The following HOOK3 variants were observed in gnomAD, a reference collection of about 807,000 sequenced individuals.
HOOK3 encodes hook microtubule tethering protein 3, also known as protein Hook homolog 3.
A neutral mutation model predicts 116.3 loss-of-function variants in HOOK3; 24 were observed. The ratio of observed to expected loss-of-function variants is 0.21; its 90% CI spans 0.15 to 0.29. The LOEUF (loss-of-function observed/expected upper bound fraction) is 0.29, where lower values mean the gene tolerates loss of function less well. Ranked by LOEUF, HOOK3 falls within the 10% of genes least tolerant of loss-of-function variation. The pLI is 1.00. For synonymous variants in HOOK3, 275 were observed against 283.0 expected, an observed-to-expected ratio of 0.97 and a Z score of 0.28; for missense variants, 632 against 830.2, an observed-to-expected ratio of 0.76 and a Z score of 2.93.
rs761597334 is a variant in HOOK3 at position 42,959,273 on chromosome 8, A to C, written c.574A>C (p.Lys192Gln). 4 of 1,613,872 alleles carry C rather than the reference A, an allele frequency of 2.5e-6. No homozygotes were observed. In the Admixed American group the frequency reaches 6.7e-5, roughly 27 times the overall value. The change falls in exon 8 of 22, where the codon AAG becomes CAG. Residue 192 changes from lysine (K) to glutamine (Q), a missense_variant. Lys to Gln is a moderately conservative substitution (Grantham distance 53). Coordinates refer to ENST00000307602, the MANE Select transcript of HOOK3 (RefSeq NM_032410.4). ...TEELNEALSA[K>Q]EEIAQRCHEL... ...GGAACTAAATGAAGCTTTGTCAGCA[A>C]AGGAAGAAATTGCTCAAAGATGCCA...
At chr8:42,974,652 G>C (rs539465302) in intron 13 of HOOK3, among the ~76,000 whole-genome samples, 11 of 152,174 alleles carry the variant, frequency 7.2e-5, no homozygotes, top group Non-Finnish European at 1.0e-4. Flanking sequence ...CGCAAAGCCC[G>C]GGCTCCAGCG....
chr8:42,967,608 A>G (rs1808655355), intron 10 of HOOK3, among the ~76,000 whole-genome samples: 4 of 152,034 alleles, frequency 2.6e-5, no homozygotes, highest in Admixed American at 2.6e-4. Flanking sequence ...AGAGGGAGTT[A>G]TTACTCTCTC....
At chr8:42,938,781 T>C (rs1808029284) in intron 4 of HOOK3, among the ~76,000 whole-genome samples, 1 of 152,064 alleles carries the variant, frequency 6.6e-6, no homozygotes, top group Non-Finnish European at 1.5e-5. Flanking sequence ...TTTGGCAGGG[T>C]CACAGGACAA....
intron 18 of HOOK3, 142 bp from the exon 19 acceptor site, chr8:43,010,161 CCA>C (rs1563313858): frequency 4.5e-5 from 8 of 176,584 alleles, no homozygotes. Flanking sequence ...TAAAAATAGA[CCA>C]GTCTCTCAAA....
chr8:43,023,192 T>G lies in HOOK3; in HGVS notation c.*4694T>G, dbSNP rs1586639237. On this transcript the variant is annotated 3_prime_UTR_variant, in exon 22 of 22. Coordinates refer to ENST00000307602, the MANE Select transcript of HOOK3 (RefSeq NM_032410.4). ...CTGCACTCCAGCCTGGGCCACAGAGTGAGACTCCATCTCAAAAAAAAAAAA... is the reference window on the plus strand; with the variant it reads ...CTGCACTCCAGCCTGGGCCACAGAGGGAGACTCCATCTCAAAAAAAAAAAA... 1 of 121,008 alleles carries G rather than the reference T, an allele frequency of 8.3e-6. No individual in the cohort carries two copies. 7.5% of individuals were successfully genotyped at this position (121,008 alleles called of 1,614,324 possible). A position where few individuals can be genotyped will look rare whatever the true frequency, so the allele number is the denominator to read the frequency against.
intron 4 of HOOK3, among the ~76,000 whole-genome samples, chr8:42,933,097 C>T (rs1334873113): frequency 1.3e-5 from 2 of 152,184 alleles, no homozygotes; most frequent in Admixed American, 1.3e-4. Flanking sequence ...AGGCTATCCA[C>T]CTCATCATTA....
At position 42,968,382 on chromosome 8, in the gene HOOK3, T is replaced by A. The variant is rs992791603; in HGVS notation, c.1122+168T>A. Among the ~76,000 whole-genome samples, 71 of 152,222 alleles carry A rather than the reference T, an allele frequency of 4.7e-4. 1 individual carries two copies. The highest frequency in any genetic ancestry group is 1.7e-3 in the African/African-American group (69 of 41,462). On this transcript the variant is annotated intron_variant, in intron 11 of 21. Transcript: ENST00000307602. Reference sequence around the variant, plus strand: ...TCTCACTCTGTCACCCAGCCTGGAGTGCAGTGGCATGATCTCAGCTCACTG... The same window carrying A: ...TCTCACTCTGTCACCCAGCCTGGAGAGCAGTGGCATGATCTCAGCTCACTG...
At chr8:43,002,065 T>A (rs1809391592) in intron 16 of HOOK3, 42 bp from the exon 17 acceptor site, 3 of 1,278,398 alleles carry the variant, frequency 2.3e-6, no homozygotes, top group Admixed American at 3.5e-5. Flanking sequence ...CTATTTTAGT[T>A]AAAATGTGAG....
At chr8:43,007,553 G>A (rs573656787) in intron 17 of HOOK3, among the ~76,000 whole-genome samples, 1 of 152,150 alleles carries the variant, frequency 6.6e-6, no homozygotes, top group Non-Finnish European at 1.5e-5. Context: ...ACAAGATTTT[G>A]CATGGTAAAA....
chr8:42,973,277 T>C lies in HOOK3; in HGVS notation c.1123-12T>C, dbSNP rs1470646818. On this transcript the variant is annotated splice_polypyrimidine_tract_variant and intron_variant, in intron 11 of 21. Transcript: ENST00000307602. ...CAGATTATGTATAAGTAATGGTATC[T>C]TTCTGTATCAGGTAGTAGAACTACA... is the stretch of plus-strand genomic sequence containing the variant. 6.3e-7 allele frequency: 1 copy of C among 1,596,684 alleles called. No homozygotes were observed. The highest frequency in any genetic ancestry group is 8.5e-7 in the Non-Finnish European group (1 of 1,174,596).
At chr8:43,014,756 G>A (rs1238875315) in intron 21 of HOOK3, among the ~76,000 whole-genome samples, 1 of 152,124 alleles carries the variant, frequency 6.6e-6, no homozygotes, top group Non-Finnish European at 1.5e-5. Flanking sequence ...AAAGGTTAGT[G>A]TCCCTGGCCT....
In HOOK3 at chr8:42,986,696, A is replaced by C; in HGVS notation, c.1433A>C (p.Lys478Thr). Reference sequence around the variant, plus strand: ...CTTCAGCATGAGAATAAGATGTTAAAGCTTAACCAAGAAGGTTCGGACAAT... The same window carrying C: ...CTTCAGCATGAGAATAAGATGTTAACGCTTAACCAAGAAGGTTCGGACAAT... ...IRLQHENKML[K>T]LNQEGSDNEK... The change falls in exon 15 of 22, where the codon AAG becomes ACG. Residue 478 changes from lysine (K) to threonine (T), a missense_variant. Lys to Thr is a moderately conservative substitution (Grantham distance 78, BLOSUM62 -1). This residue lies in a region of HOOK3 where 483 missense variants were observed against 648.1 expected (regional missense o/e 0.75). Transcript: ENST00000307602. The C allele has an allele frequency of 6.2e-7, 1 of 1,613,816 alleles. No homozygotes were observed. The highest frequency in any genetic ancestry group is 8.5e-7 in the Non-Finnish European group (1 of 1,179,810).
At chr8:42,977,846 G>A (rs1437125861) in intron 13 of HOOK3, among the ~76,000 whole-genome samples, 1 of 152,054 alleles carries the variant, frequency 6.6e-6, no homozygotes. Flanking sequence ...CAGCCTGGGC[G>A]ACAGAGTGAG....
chr8:42,954,358 T>C (rs921614008), intron 6 of HOOK3, among the ~76,000 whole-genome samples: 8 of 152,210 alleles, frequency 5.3e-5, no homozygotes, highest in African/African-American at 1.9e-4. Context: ...TATGAACCTA[T>C]CCCAAAGAAT....
chr8:43,010,097 T>C lies in HOOK3; in HGVS notation c.1739-208T>C, dbSNP rs552339770. 8.1e-3 allele frequency among the ~76,000 whole-genome samples: 1,201 copies of C among 148,544 alleles called. 16 individuals are homozygous for C. Among genetic ancestry groups the C allele is most frequent in the African/African-American group, 0.027 (1,108 of 40,978 alleles). On this transcript the variant is annotated intron_variant, in intron 18 of 21. Coordinates refer to ENST00000307602, the MANE Select transcript of HOOK3 (RefSeq NM_032410.4). ...GTTTTTATTTATTTATAAGAAAATC[T>C]TTTTGTAAAAAAAAAAAAAAAAATT...
rs1254505557 is a variant in HOOK3 at position 43,022,240 on chromosome 8, C to T, written c.*3742C>T. 2 of 212,026 alleles carry T rather than the reference C, an allele frequency of 9.4e-6. No homozygotes were observed. The highest frequency in any genetic ancestry group is 1.9e-5 in the Non-Finnish European group (2 of 104,758). 13.1% of individuals were successfully genotyped at this position (212,026 alleles called of 1,614,324 possible). On this transcript the variant is annotated 3_prime_UTR_variant, in exon 22 of 22. Transcript: ENST00000307602. ...TCTCTAGTAATGATTAATGATTCCT[C>T]AGGAGATTCGTGATGTTGTCTGGTC...
Position 43,024,005 on chromosome 8 carries a change from A to G in HOOK3, c.*5507A>G, listed in dbSNP as rs1809886773. On this transcript the variant is annotated 3_prime_UTR_variant, in exon 22 of 22. Coordinates refer to ENST00000307602, the MANE Select transcript of HOOK3 (RefSeq NM_032410.4). ...TCCTATTATCTAGATCTCTGAGTCC[A>G]GGATAACTCCAGTTATCCCCAGTTG... The G allele has an allele frequency of 9.9e-6, 2 of 202,912 alleles. No homozygotes were observed. The highest frequency in any genetic ancestry group is 2.0e-5 in the Non-Finnish European group (2 of 98,848). 12.6% of individuals were successfully genotyped at this position (202,912 alleles called of 1,614,324 possible).
intron 15 of HOOK3, among the ~76,000 whole-genome samples, chr8:42,994,784 C>T (rs1384211134): frequency 6.6e-6 from 1 of 152,128 alleles, no homozygotes; most frequent in Non-Finnish European, 1.5e-5. Flanking sequence ...TATTTTTGCT[C>T]ACCTATTCCC....
Position 43,021,336 on chromosome 8 carries a change from T to C in HOOK3, c.*2838T>C, listed in dbSNP as rs948916270. 9.2e-5 allele frequency: 17 copies of C among 184,928 alleles called. No individual in the cohort carries two copies. Among genetic ancestry groups the C allele is most frequent in the Non-Finnish European group, 1.8e-4 (16 of 87,648 alleles). 11.5% of individuals were successfully genotyped at this position (184,928 alleles called of 1,614,324 possible). A position where few individuals can be genotyped will look rare whatever the true frequency, so the allele number is the denominator to read the frequency against. On this transcript the variant is annotated 3_prime_UTR_variant, in exon 22 of 22. Coordinates refer to ENST00000307602, the MANE Select transcript of HOOK3 (RefSeq NM_032410.4). ...TTTTTCCCCCCGAGACGGAGCCTCG[T>C]TCCGTCACCCAGGCTGTAGTGCCGT...
Sources: allele counts gnomAD v4.1 joint callset (sites outside exome capture counted in the v4.1 genomes callset), GRCh38; gene constraint gnomAD v4.1.1; regional missense constraint gnomAD v4.1.1; transcripts MANE v1.5; gene names NCBI Gene and HGNC (gene_info 2026-07-23, HGNC 2026-07-21).